The following UVRAG variants were observed in gnomAD, a reference collection of about 807,000 sequenced individuals.
The protein encoded by UVRAG is UV radiation resistance-associated gene protein.
UVRAG carries 19 observed loss-of-function variants against 78.0 expected under a neutral mutation model. The observed-to-expected ratio is 0.24, with a 90% confidence interval of 0.17 to 0.36. The LOEUF is 0.36. Among genes scored for constraint, UVRAG ranks in the 10% least tolerant of loss-of-function variants. The pLI, the probability that UVRAG is intolerant of heterozygous loss-of-function variation, is 1.00. For synonymous variants in UVRAG, 323 were observed against 324.6 expected (o/e 1.00, Z 0.05); for missense variants, 740 against 853.8 (o/e 0.87, Z 1.66).
At position 76,142,496 on chromosome 11, in the gene UVRAG, G is replaced by A. The variant is rs985151771; in HGVS notation, c.*1083G>A. The A allele has an allele frequency of 2.0e-5, 3 of 152,592 alleles. No individual in the cohort carries two copies. The highest frequency in any genetic ancestry group is 2.9e-5 in the Non-Finnish European group (2 of 68,042). 9.5% of individuals were successfully genotyped at this position (152,592 alleles called of 1,614,324 possible). ...TTTCATGAATATTAAATTATGTTTC[G>A]AAGTCCAGTTGTCATTCCCGCATTC... On this transcript the variant is annotated 3_prime_UTR_variant, in exon 15 of 15. Transcript: ENST00000356136.
intron 1 of UVRAG, among the ~76,000 whole-genome samples, chr11:75,843,367 T>C (rs554861790): frequency 6.6e-6 from 1 of 152,364 alleles, no homozygotes; most frequent in East Asian, 1.9e-4. Context: ...GTTAGAATGT[T>C]ACTCTTCATC....
chr11:75,849,349 CA>C (rs750217185), intron 1 of UVRAG, among the ~76,000 whole-genome samples: 12 of 151,692 alleles, frequency 7.9e-5, no homozygotes, highest in South Asian at 6.3e-4. Flanking sequence ...ACTAAAAATA[CA>C]AAAAAATTAG....
chr11:75,983,005 T>C (rs1422885405), intron 7 of UVRAG, among the ~76,000 whole-genome samples: 1 of 152,198 alleles, frequency 6.6e-6, no homozygotes, highest in Non-Finnish European at 1.5e-5. Context: ...ATGTGTTCAG[T>C]TCTCTTGGTA....
rs571783357 is a variant in UVRAG at position 76,073,254 on chromosome 11, C to A, written c.1305+7466C>A. 3.9e-5 allele frequency among the ~76,000 whole-genome samples: 6 copies of A among 152,234 alleles called. No homozygotes were observed. In the East Asian group the frequency reaches 9.6e-4, roughly 24 times the overall value. ...GCATACTGAAGTACAGTGGTTGTTTCAAGGAAAAGCACATGTGCAATCGAG... is the reference window on the plus strand; with the variant it reads ...GCATACTGAAGTACAGTGGTTGTTTAAAGGAAAAGCACATGTGCAATCGAG... On this transcript the variant is annotated intron_variant, in intron 13 of 14. Coordinates refer to ENST00000356136, the MANE Select transcript of UVRAG (RefSeq NM_003369.4).
intron 13 of UVRAG, among the ~76,000 whole-genome samples, chr11:76,106,663 C>G (rs892599263): frequency 2.0e-5 from 3 of 151,918 alleles, no homozygotes; most frequent in Non-Finnish European, 4.4e-5. Context: ...CCACCATACC[C>G]AGCCTCAGAA....
chr11:75,897,052 A>G (rs543114848), intron 5 of UVRAG, among the ~76,000 whole-genome samples: 79 of 152,226 alleles, frequency 5.2e-4, no homozygotes, highest in South Asian at 6.2e-4. Context: ...CTTTAATGGA[A>G]AAAATTAGAG....
At chr11:75,906,113 T>C (rs185109499) in intron 5 of UVRAG, among the ~76,000 whole-genome samples, 153 of 152,310 alleles carry the variant, frequency 1.0e-3, no homozygotes, top group African/African-American at 3.5e-3. Context: ...CTGTCAGATA[T>C]ACAATTTGTA....
intron 6 of UVRAG, among the ~76,000 whole-genome samples, chr11:75,938,841 T>G (rs757482026): frequency 3.3e-5 from 5 of 152,206 alleles, no homozygotes; most frequent in Non-Finnish European, 7.4e-5. Context: ...CAGTTCTGTC[T>G]TCTTCAGTAC....
chr11:75,895,460 C>T lies in UVRAG; in HGVS notation c.507+6557C>T, dbSNP rs1230464347. ...ATGGCTAAGTAGTTCATTTTCACTT[C>T]CAGGAGTGTGTTGGACACTACCTAA... On this transcript the variant is annotated intron_variant, in intron 5 of 14. Transcript: ENST00000356136. Among the ~76,000 whole-genome samples the T allele has an allele frequency of 4.6e-5, 7 of 152,144 alleles. No individual in the cohort carries two copies. The East Asian group carries it at 5.8e-4, about 13-fold the overall frequency.
chr11:75,985,599 TTATC>T (rs1413453750), intron 8 of UVRAG, among the ~76,000 whole-genome samples: 6 of 152,192 alleles, frequency 3.9e-5, no homozygotes, highest in African/African-American at 1.4e-4. Flanking sequence ...GGAGAAATAT[TTATC>T]TATTTTAAGA....
intron 6 of UVRAG, among the ~76,000 whole-genome samples, chr11:75,926,109 C>T (rs1165796066): frequency 2.0e-5 from 3 of 151,972 alleles, no homozygotes; most frequent in African/African-American, 7.3e-5. Context: ...GGCACCCACA[C>T]AATGGAGACT....
In UVRAG at chr11:76,141,970, A is replaced by G. The variant is rs910602044; in HGVS notation, c.*557A>G. The stretch of plus-strand genomic sequence containing the variant: ...CCCCCGGGTACCACAGTCCACCTTT[A>G]GACCCTACTGTCGCCCCATCTTCTC... On this transcript the variant is annotated 3_prime_UTR_variant, in exon 15 of 15. Transcript: ENST00000356136. 4.5e-5 allele frequency: 7 copies of G among 154,418 alleles called. No homozygotes were observed. The highest frequency in any genetic ancestry group is 1.7e-4 in the African/African-American group (7 of 41,446). 9.6% of individuals were successfully genotyped at this position (154,418 alleles called of 1,614,324 possible). A position where few individuals can be genotyped will look rare whatever the true frequency, so the allele number is the denominator to read the frequency against.
intron 6 of UVRAG, among the ~76,000 whole-genome samples, chr11:75,958,796 G>T (rs889152822): frequency 2.6e-5 from 4 of 152,114 alleles, no homozygotes; most frequent in Admixed American, 2.6e-4. Flanking sequence ...GCAACTCTAG[G>T]CTTATGAAAT....
chr11:76,117,315 A>G (rs1952199820), intron 14 of UVRAG, among the ~76,000 whole-genome samples: 1 of 152,216 alleles, frequency 6.6e-6, no homozygotes, highest in African/African-American at 2.4e-5. Context: ...CTTGCTCAGT[A>G]CAGATAGCAG....
chr11:75,894,466 T>A (rs571074654), intron 5 of UVRAG, among the ~76,000 whole-genome samples: 1 of 152,202 alleles, frequency 6.6e-6, no homozygotes, highest in African/African-American at 2.4e-5. Flanking sequence ...ATCACTGATT[T>A]GTTTGGGAGG....
At chr11:75,822,653 T>G (rs2088371824) in intron 1 of UVRAG, among the ~76,000 whole-genome samples, 1 of 150,428 alleles carries the variant, frequency 6.6e-6, no homozygotes. Context: ...GCACCTTGCT[T>G]GCACTTACTG....
At chr11:75,860,776 T>G (rs1437487436) in intron 2 of UVRAG, among the ~76,000 whole-genome samples, 1 of 148,864 alleles carries the variant, frequency 6.7e-6, no homozygotes, top group Non-Finnish European at 1.5e-5. Context: ...AGCGTGCAAT[T>G]TCTTTTCTTT....
At chr11:75,975,248 A>G (rs1318767115) in intron 7 of UVRAG, among the ~76,000 whole-genome samples, 3 of 152,170 alleles carry the variant, frequency 2.0e-5, no homozygotes, top group African/African-American at 4.8e-5. Context: ...TACCAGTACC[A>G]TGCTGTTTTG....
At chr11:76,105,760 T>C (rs1951957350) in intron 13 of UVRAG, among the ~76,000 whole-genome samples, 1 of 151,830 alleles carries the variant, frequency 6.6e-6, no homozygotes, top group South Asian at 2.1e-4. Flanking sequence ...AAACAAAAAA[T>C]AAATAAATAA....
Sources: allele counts gnomAD v4.1 joint callset (sites outside exome capture counted in the v4.1 genomes callset), GRCh38; gene constraint gnomAD v4.1.1; transcripts MANE v1.5; gene names NCBI Gene and HGNC (gene_info 2026-07-23, HGNC 2026-07-21).